Variants in RIN3 observed in about 807,000 individuals in gnomAD.
RIN3 encodes Ras and Rab interactor 3, also known as RAB5 interacting protein 3.
Under a neutral mutation model 76.3 loss-of-function variants are expected in RIN3, and 54 were observed. The observed-to-expected ratio is 0.71, with a 90% CI of 0.57 to 0.89. The LOEUF (loss-of-function observed/expected upper bound fraction) is 0.89, where lower values mean the gene tolerates loss of function less well. Among genes scored for constraint, RIN3 ranks in the 40% least tolerant of loss-of-function variants. RIN3 has a pLI of 0.00. For synonymous variants in RIN3, 576 were observed against 564.0 expected, an observed-to-expected ratio of 1.02 and a Z score of -0.30; for missense variants, 1,256 against 1,322.1, an observed-to-expected ratio of 0.95 and a Z score of 0.78.
chr14:92,537,510 G>A (rs1293781183), intron 1 of RIN3, among the ~76,000 whole-genome samples: 2 of 151,998 alleles, frequency 1.3e-5, no homozygotes, highest in Non-Finnish European at 2.9e-5. Context: ...AAGTTCCCAC[G>A]ATTGCTGGGT....
At position 92,526,728 on chromosome 14, in the gene RIN3, G is replaced by A. The variant is rs571923338; in HGVS notation, c.44+12752G>A. On this transcript the variant is annotated intron_variant, in intron 1 of 9. Transcript: ENST00000216487. ...AGATCGTGCCACTGCACTCCAGGCT[G>A]GTGACAGAGCAAGACTCTGTCTCAT... Among the ~76,000 whole-genome samples, 113 of 152,150 alleles carry A rather than the reference G, an allele frequency of 7.4e-4. 1 individual carries two copies. The highest frequency in any genetic ancestry group is 1.3e-3 in the Non-Finnish European group (89 of 68,016).
chr14:92,675,715 C>T (rs1227127969), intron 7 of RIN3, among the ~76,000 whole-genome samples: 1 of 152,256 alleles, frequency 6.6e-6, no homozygotes, highest in Non-Finnish European at 1.5e-5. Context: ...TCTCCACCCA[C>T]AGTTCCAGCC....
In RIN3 at chr14:92,685,332, C is replaced by T. The variant is rs151161439; in HGVS notation, c.2631+182C>T. ...CCAGCCCCTGCTGCCAGTGTGTGTC[C>T]AGGACTTGGGTGCGTCTAGAAACAT... On this transcript the variant is annotated intron_variant, in intron 9 of 9. Coordinates refer to ENST00000216487, the MANE Select transcript of RIN3 (RefSeq NM_024832.5). This position sits in a 1 kb window ranked among gnomAD's most constrained non-coding sequence, Gnocchi z 4.7. The T allele has an allele frequency of 2.1e-3, 1,347 of 633,604 alleles. 7 individuals carry two copies. The highest frequency in any genetic ancestry group is 3.3e-3 in the Admixed American group (112 of 33,872). The allele number at this position is 633,604 out of a possible 1,614,324, so 39.2% of individuals were successfully genotyped here.
intron 1 of RIN3, among the ~76,000 whole-genome samples, chr14:92,530,520 A>G (rs1024701794): frequency 6.6e-6 from 1 of 152,082 alleles, no homozygotes; most frequent in Non-Finnish European, 1.5e-5. Context: ...TGTTTTGTTT[A>G]TCAGTTAATA....
At chr14:92,562,075 A>ACTTTGCT (rs1897792764) in intron 2 of RIN3, among the ~76,000 whole-genome samples, 5 of 152,174 alleles carry the variant, frequency 3.3e-5, no homozygotes, top group Admixed American at 3.3e-4. Flanking sequence ...CTTGGCTGTG[A>ACTTTGCT]CATTTGCTCA....
At chr14:92,567,844 T>A (rs1897957017) in intron 2 of RIN3, among the ~76,000 whole-genome samples, 1 of 152,210 alleles carries the variant, frequency 6.6e-6, no homozygotes. Context: ...TTTATTTGTC[T>A]AATGATATTA....
intron 4 of RIN3, among the ~76,000 whole-genome samples, chr14:92,628,855 A>G (rs1886452055): frequency 6.6e-6 from 1 of 152,118 alleles, no homozygotes; most frequent in East Asian, 1.9e-4. Flanking sequence ...ATTCATTCCT[A>G]GGCCTTCAGG....
At chr14:92,612,325 C>T (rs189633146) in intron 3 of RIN3, among the ~76,000 whole-genome samples, 2 of 152,304 alleles carry the variant, frequency 1.3e-5, no homozygotes, top group East Asian at 3.9e-4. Context: ...GAAGCTAAGC[C>T]CACCACCCAT....
At chr14:92,583,133 G>A (rs1287422487) in intron 3 of RIN3, among the ~76,000 whole-genome samples, 5 of 152,152 alleles carry the variant, frequency 3.3e-5, no homozygotes, top group Admixed American at 6.6e-5. Context: ...CTGTGGCCAC[G>A]GTGACTGCAG....
At chr14:92,684,149 G>C (rs1888761303) in intron 8 of RIN3, among the ~76,000 whole-genome samples, 1 of 152,168 alleles carries the variant, frequency 6.6e-6, no homozygotes, top group African/African-American at 2.4e-5. Flanking sequence ...GGAGGCTGAG[G>C]CGGGCGGATC....
In RIN3 at chr14:92,685,403, GGAGGAATGA is replaced by G; in HGVS notation, c.2631+256_2631+264del. 2.0e-6 allele frequency: 1 copy of G among 504,486 alleles called. No homozygotes were observed. Among genetic ancestry groups the G allele is most frequent in the South Asian group, 2.6e-5 (1 of 38,616 alleles). The allele number at this position is 504,486 out of a possible 1,614,324, so 31.3% of individuals were successfully genotyped here. A position where few individuals can be genotyped will look rare whatever the true frequency, so the allele number is the denominator to read the frequency against. ...TCCCTGGGCAAGCAGGAAGGGTGCA[GGAGGAATGA>G]GACACACCCATCATTCCTTAGCCCC... On this transcript the variant is annotated intron_variant, in intron 9 of 9. Transcript: ENST00000216487. The surrounding 1 kb of genome is among the most constrained non-coding windows in gnomAD (Gnocchi z 4.7).
chr14:92,523,325 T>C (rs1360218999), intron 1 of RIN3, among the ~76,000 whole-genome samples: 1 of 152,232 alleles, frequency 6.6e-6, no homozygotes, highest in African/African-American at 2.4e-5. Context: ...TTGGCCAGGC[T>C]GGTCTTGAAC....
intron 3 of RIN3, among the ~76,000 whole-genome samples, chr14:92,607,385 G>A (rs575760026): frequency 2.6e-5 from 4 of 152,324 alleles, no homozygotes; most frequent in Non-Finnish European, 4.4e-5. Flanking sequence ...AGCTCATGCC[G>A]GTAATTCCAG....
chr14:92,622,426 C>G (rs1312186926), intron 4 of RIN3, among the ~76,000 whole-genome samples: 1 of 152,226 alleles, frequency 6.6e-6, no homozygotes, highest in Non-Finnish European at 1.5e-5. Context: ...CCATGCCTTC[C>G]CATCCTTCCT....
At position 92,517,300 on chromosome 14, in the gene RIN3, G is replaced by A. The variant is rs575438498; in HGVS notation, c.44+3324G>A. 2.1e-4 allele frequency among the ~76,000 whole-genome samples: 32 copies of A among 152,298 alleles called. No individual in the cohort carries two copies. The South Asian group carries it at 6.6e-3, about 32-fold the overall frequency. Reference sequence around the variant, plus strand: ...TACATGACACACATTGCTTTACAAAGCGACTGTTATCAGATAACAGGGGTT... The same window carrying A: ...TACATGACACACATTGCTTTACAAAACGACTGTTATCAGATAACAGGGGTT... On this transcript the variant is annotated intron_variant, in intron 1 of 9. Coordinates refer to ENST00000216487, the MANE Select transcript of RIN3 (RefSeq NM_024832.5).
At chr14:92,686,328 CAATTT>C (rs1436006808) in intron 9 of RIN3, 4 of 152,390 alleles carry the variant, frequency 2.6e-5, no homozygotes, top group African/African-American at 9.6e-5. Flanking sequence ...TATGGCTAAT[CAATTT>C]AATAACTGAC....
At chr14:92,657,149 A>G (rs1386113690) in intron 6 of RIN3, among the ~76,000 whole-genome samples, 2 of 152,198 alleles carry the variant, frequency 1.3e-5, no homozygotes, top group Non-Finnish European at 2.9e-5. Context: ...ACTTGAGATC[A>G]GGAGTTCAAG....
chr14:92,583,125 G>C (rs1447625508), intron 3 of RIN3, among the ~76,000 whole-genome samples: 1 of 152,196 alleles, frequency 6.6e-6, no homozygotes, highest in African/African-American at 2.4e-5. Context: ...TTTAGACACT[G>C]TGGCCACGGT....
chr14:92,630,933 A>C (rs1225648264), intron 4 of RIN3, among the ~76,000 whole-genome samples: 1 of 152,156 alleles, frequency 6.6e-6, no homozygotes, highest in East Asian at 1.9e-4. Flanking sequence ...GCCAAGATGG[A>C]ACATCAAAGA....
Sources: gnomAD v4.1 joint callset for allele counts (sites outside exome capture counted in the v4.1 genomes callset) on GRCh38, gnomAD v4.1.1 for gene constraint, Gnocchi (gnomAD v3.1) non-coding constraint, MANE v1.5 for transcripts, NCBI Gene and HGNC (gene_info 2026-07-23, HGNC 2026-07-21) for gene names.